COPG2: variants seen among roughly 807,000 people sequenced by gnomAD.
COPG2 encodes coatomer subunit gamma-2.
A neutral mutation model predicts 46.3 loss-of-function variants in COPG2; 37 were observed. The ratio of observed to expected loss-of-function variants is 0.80; its 90% CI spans 0.61 to 1.05. The LOEUF (loss-of-function observed/expected upper bound fraction) is 1.05, where lower values mean the gene tolerates loss of function less well. COPG2 is among the 50% of genes least tolerant of loss of function. The probability of loss-of-function intolerance (pLI) is 0.00; values close to 1 mark genes in which losing one functional copy is unlikely to be tolerated. For missense variants in COPG2, 427 were observed against 387.8 expected, an observed-to-expected ratio of 1.10 and a Z score of -0.85; for synonymous variants, 159 against 129.7, an observed-to-expected ratio of 1.23 and a Z score of -1.53.
chr7:130,549,432 C>G (rs897135582), intron 17 of COPG2, 56 bp from the exon 18 acceptor site: 12,362 of 398,356 alleles, frequency 0.031, 280 homozygotes, highest in Admixed American at 0.083. Flanking sequence ...ATCAAGCTAG[C>G]AATGCAGACA....
At chr7:130,666,959 T>C (rs782209221) in intron 2 of COPG2, 30 bp from the exon 3 acceptor site, 1 of 1,109,088 alleles carries the variant, frequency 9.0e-7, no homozygotes, top group African/African-American at 1.6e-5. Context: ...ACATTGCTAC[T>C]TTTCTACCTT....
At chr7:130,618,491 A>AT (rs1584583531) in intron 5 of COPG2, among the ~76,000 whole-genome samples, 1 of 152,172 alleles carries the variant, frequency 6.6e-6, no homozygotes, top group African/African-American at 2.4e-5. Context: ...CTCAAAATAA[A>AT]TGTATCATTT....
chr7:130,582,160 T>C (rs1333854873), intron 9 of COPG2, among the ~76,000 whole-genome samples: 2 of 146,052 alleles, frequency 1.4e-5, no homozygotes, highest in African/African-American at 5.1e-5. Context: ...TATAGATCAA[T>C]GGAACAGAAC....
At chr7:130,660,850 C>G (rs1009694811) in intron 4 of COPG2, among the ~76,000 whole-genome samples, 5 of 152,192 alleles carry the variant, frequency 3.3e-5, no homozygotes, top group Admixed American at 6.5e-5. Context: ...GACCTACAAT[C>G]CACTGGTTCT....
At chr7:130,617,372 C>A (rs1794968415) in intron 5 of COPG2, among the ~76,000 whole-genome samples, 1 of 152,154 alleles carries the variant, frequency 6.6e-6, no homozygotes, top group Non-Finnish European at 1.5e-5. Context: ...ATTTTAGATA[C>A]TGATAATTAG....
At chr7:130,638,144 G>A (rs1344917342) in intron 5 of COPG2, among the ~76,000 whole-genome samples, 1 of 152,156 alleles carries the variant, frequency 6.6e-6, no homozygotes, top group Non-Finnish European at 1.5e-5. Flanking sequence ...GAGCTCTCCT[G>A]TATGAGGTGT....
In COPG2 at chr7:130,506,417, T is replaced by C. The variant is rs1584955692; in HGVS notation, c.*259A>G. Reference sequence around the variant, plus strand: ...GAAGTTAAGCAGCTGGAGTATAGGATAGTATTTGATTTTCAAGATCACCCA... The same window carrying C: ...GAAGTTAAGCAGCTGGAGTATAGGACAGTATTTGATTTTCAAGATCACCCA... On this transcript the variant is annotated 3_prime_UTR_variant, in exon 24 of 24. Coordinates refer to ENST00000425248, the MANE Select transcript of COPG2 (RefSeq NM_012133.6). The C allele has an allele frequency of 5.6e-6, 1 of 177,496 alleles. No homozygotes were observed. Among genetic ancestry groups the C allele is most frequent in the Non-Finnish European group, 1.1e-5 (1 of 91,176 alleles). 11.0% of individuals were successfully genotyped at this position (177,496 alleles called of 1,614,324 possible).
chr7:130,641,736 G>A (rs536964025), intron 5 of COPG2, among the ~76,000 whole-genome samples: 1 of 152,276 alleles, frequency 6.6e-6, no homozygotes, highest in Admixed American at 6.5e-5. Context: ...TTCAGGAACA[G>A]CTGCACCATT....
chr7:130,658,232 CAAT>C (rs782047339), intron 4 of COPG2, among the ~76,000 whole-genome samples: 7 of 151,990 alleles, frequency 4.6e-5, no homozygotes, highest in Non-Finnish European at 2.9e-5. Flanking sequence ...CTGATACAAA[CAAT>C]AATATGGATG....
intron 5 of COPG2, among the ~76,000 whole-genome samples, chr7:130,630,966 G>C (rs1362620465): frequency 1.3e-5 from 2 of 152,072 alleles, no homozygotes; most frequent in Non-Finnish European, 2.9e-5. Flanking sequence ...GGGGTTTAAA[G>C]ATGCAGTGAG....
At chr7:130,662,564 T>C (rs1207152143) in intron 4 of COPG2, among the ~76,000 whole-genome samples, 1 of 152,184 alleles carries the variant, frequency 6.6e-6, no homozygotes, top group Non-Finnish European at 1.5e-5. Context: ...CCTTATTCTA[T>C]TCCTTATTCC....
chr7:130,518,015 G>A (rs1799693057), intron 20 of COPG2, among the ~76,000 whole-genome samples: 1 of 152,234 alleles, frequency 6.6e-6, no homozygotes, highest in South Asian at 2.1e-4. Context: ...AGCTCTTCAA[G>A]TCTTGATGGG....
chr7:130,664,168 T>C (rs1200651096), intron 3 of COPG2, among the ~76,000 whole-genome samples: 1 of 152,222 alleles, frequency 6.6e-6, no homozygotes, highest in Non-Finnish European at 1.5e-5. Context: ...TATTACCATT[T>C]CAATATTTAA....
intron 9 of COPG2, among the ~76,000 whole-genome samples, chr7:130,575,321 A>G (rs1325870450): frequency 6.6e-6 from 1 of 152,222 alleles, no homozygotes; most frequent in African/African-American, 2.4e-5. Flanking sequence ...CAGATAACCT[A>G]TCAAGGAAAA....
chr7:130,567,656 G>A (rs1350287486), intron 9 of COPG2, among the ~76,000 whole-genome samples: 17 of 152,024 alleles, frequency 1.1e-4, no homozygotes, highest in African/African-American at 4.1e-4. Context: ...GGGTCCTATC[G>A]ATAGCCTCCT....
intron 9 of COPG2, among the ~76,000 whole-genome samples, chr7:130,589,834 G>A (rs190734573): frequency 2.7e-4 from 41 of 152,202 alleles, no homozygotes; most frequent in Admixed American, 6.5e-4. Context: ...CTGGAGCTGC[G>A]CGTTAATCCC....
In COPG2 at chr7:130,564,271, G is replaced by A. The variant is rs941519694; in HGVS notation, c.860C>T (p.Pro287Leu). The A allele has an allele frequency of 2.5e-6, 1 of 398,418 alleles. No individual in the cohort carries two copies. The highest frequency in any genetic ancestry group is 2.1e-5 in the African/African-American group (1 of 48,606). 24.7% of individuals were successfully genotyped at this position (398,418 alleles called of 1,614,324 possible). The change falls in exon 10 of 24, where the codon CCT (proline) becomes CTT (leucine). Residue 287 changes from proline (P) to leucine (L), a missense_variant. Physicochemically the swap from Pro to Leu is moderately conservative, Grantham distance 98 (BLOSUM62 -3). Coordinates refer to ENST00000425248, the MANE Select transcript of COPG2 (RefSeq NM_012133.6). Reference protein sequence around the residue: ...LPNCTARELAPAVSVLQLFCS... With the variant: ...LPNCTARELALAVSVLQLFCS... ...AATATAAAACAAACCTGAAACAGCA[G>A]GTGCCAACTCTCTTGCAGTGCAGTT...
At chr7:130,605,490 G>A (rs1404854981) in intron 9 of COPG2, among the ~76,000 whole-genome samples, 8 of 152,214 alleles carry the variant, frequency 5.3e-5, no homozygotes, top group Admixed American at 5.2e-4. Flanking sequence ...GTGGCAGAAA[G>A]GCAAATCAGA....
chr7:130,593,660 G>A (rs1554449330), intron 9 of COPG2, among the ~76,000 whole-genome samples: 2 of 152,098 alleles, frequency 1.3e-5, no homozygotes, highest in Admixed American at 6.5e-5. Flanking sequence ...ATATTGCACA[G>A]TAGTGGGTAT....
Sources: allele counts gnomAD v4.1 joint callset (sites outside exome capture counted in the v4.1 genomes callset), GRCh38; gene constraint gnomAD v4.1.1; transcripts MANE v1.5; gene names NCBI Gene and HGNC (gene_info 2026-07-23, HGNC 2026-07-21).